Variants in SPATA6 observed in about 807,000 individuals in gnomAD.
The protein encoded by SPATA6 is spermatogenesis-associated protein 6.
A neutral mutation model predicts 65.3 loss-of-function variants in SPATA6; 56 were observed. The observed-to-expected ratio is 0.86, with a 90% CI of 0.69 to 1.07. The LOEUF (loss-of-function observed/expected upper bound fraction) is 1.07. Ranked by LOEUF, SPATA6 falls within the 50% of genes least tolerant of loss-of-function variation. The pLI is 0.00. For missense variants in SPATA6, 590 were observed against 594.8 expected (o/e 0.99, Z 0.08); for synonymous variants, 199 against 213.2 (o/e 0.93, Z 0.58).
chr1:48,459,087 C>A (rs1384216364), intron 1 of SPATA6, among the ~76,000 whole-genome samples: 1 of 151,504 alleles, frequency 6.6e-6, no homozygotes, highest in Admixed American at 6.6e-5. Flanking sequence ...CACCTGTAAT[C>A]CTAGCTACTC....
intron 3 of SPATA6, among the ~76,000 whole-genome samples, chr1:48,444,353 G>C (rs1300659367): frequency 6.6e-6 from 1 of 151,714 alleles, no homozygotes; most frequent in African/African-American, 2.4e-5. Flanking sequence ...TCTGGGTCCA[G>C]CTGAAGGACT....
chr1:48,458,086 C>A (rs1657144715), intron 1 of SPATA6, among the ~76,000 whole-genome samples: 3 of 143,914 alleles, frequency 2.1e-5, no homozygotes, highest in African/African-American at 5.2e-5. Context: ...ATTGTAAACC[C>A]CAGACAAGCA....
chr1:48,468,581 T>C (rs1295553158), intron 1 of SPATA6, among the ~76,000 whole-genome samples: 2 of 152,134 alleles, frequency 1.3e-5, no homozygotes, highest in African/African-American at 2.4e-5. Flanking sequence ...CTGTCTGGAA[T>C]GGACCTGAAA....
chr1:48,268,153 C>G, the SPATA6 span, among the ~76,000 whole-genome samples: 1 of 152,090 alleles, frequency 6.6e-6, no homozygotes, highest in African/African-American at 2.4e-5. Flanking sequence ...CCTGTCCTCA[C>G]CTAGGTATGT....
intron 11 of SPATA6, among the ~76,000 whole-genome samples, chr1:48,315,690 G>A (rs1057159001): frequency 2.0e-5 from 3 of 152,124 alleles, no homozygotes; most frequent in East Asian, 1.9e-4. Flanking sequence ...TTCTGGCCAC[G>A]GCAATGAGGC....
intron 11 of SPATA6, among the ~76,000 whole-genome samples, chr1:48,313,627 C>T (rs1350874812): frequency 6.6e-6 from 1 of 152,152 alleles, no homozygotes; most frequent in African/African-American, 2.4e-5. Flanking sequence ...TAGGAAGAAA[C>T]TGCATCAACT....
At chr1:48,420,394 C>T (rs1324878377) in intron 3 of SPATA6, among the ~76,000 whole-genome samples, 1 of 152,134 alleles carries the variant, frequency 6.6e-6, no homozygotes, top group African/African-American at 2.4e-5. Flanking sequence ...CACGGGAACC[C>T]CAACTTCAAG....
intron 11 of SPATA6, among the ~76,000 whole-genome samples, chr1:48,353,512 T>C (rs898858927): frequency 7.4e-5 from 11 of 148,654 alleles, no homozygotes; most frequent in African/African-American, 2.7e-4. Flanking sequence ...TTGAAAAATA[T>C]ATACCATGCA....
At chr1:48,395,212 G>T in intron 8 of SPATA6, 55 bp downstream of exon 8, 1 of 1,354,054 alleles carries the variant, frequency 7.4e-7, no homozygotes, top group Non-Finnish European at 9.9e-7. Flanking sequence ...CAAATTAAAG[G>T]CTTGATTGTA....
chr1:48,347,089 A>C (rs1646385737), intron 11 of SPATA6, among the ~76,000 whole-genome samples: 1 of 152,072 alleles, frequency 6.6e-6, no homozygotes, highest in Non-Finnish European at 1.5e-5. Flanking sequence ...CACTAACCAA[A>C]ATAGCATGGT....
rs1042833570 is a variant in SPATA6 at position 48,401,352 on chromosome 1, C to T, written c.487-1708G>A. On this transcript the variant is annotated intron_variant, in intron 6 of 12. Transcript: ENST00000371847. ...ATCTTTATTAAAGCTTTTAATACTG[C>T]ATACTACTAGAGAAAGTTATAAATT... Among the ~76,000 whole-genome samples the T allele has an allele frequency of 5.3e-5, 8 of 152,054 alleles. No homozygotes were observed. In the South Asian group the frequency reaches 1.7e-3, roughly 31 times the overall value.
the SPATA6 span, among the ~76,000 whole-genome samples, chr1:48,278,914 T>A: frequency 6.6e-6 from 1 of 152,140 alleles, no homozygotes. Flanking sequence ...GGCAAAAATG[T>A]TAAGGGCAGC....
At chr1:48,280,941 A>G in the SPATA6 span, among the ~76,000 whole-genome samples, 22 of 152,178 alleles carry the variant, frequency 1.4e-4, no homozygotes, top group Non-Finnish European at 2.8e-4. Flanking sequence ...TCAATAAAAT[A>G]CTGGCAAACC....
the SPATA6 span, among the ~76,000 whole-genome samples, chr1:48,266,477 G>T: frequency 6.6e-6 from 1 of 152,092 alleles, no homozygotes; most frequent in Non-Finnish European, 1.5e-5. Flanking sequence ...ATTCACAAAC[G>T]TGTCATGGAA....
the SPATA6 span, among the ~76,000 whole-genome samples, chr1:48,268,161 T>G: frequency 6.6e-6 from 1 of 152,104 alleles, no homozygotes; most frequent in Non-Finnish European, 1.5e-5. Flanking sequence ...CACCTAGGTA[T>G]GTGGGCACAG....
chr1:48,284,446 A>C, the SPATA6 span, among the ~76,000 whole-genome samples: 9 of 152,206 alleles, frequency 5.9e-5, no homozygotes, highest in African/African-American at 2.2e-4. Context: ...CATCAAACTC[A>C]TTCTCCATCC....
At position 48,312,931 on chromosome 1, in the gene SPATA6, G is replaced by A. The variant is rs1288328473; in HGVS notation, c.1195-7053C>T. On this transcript the variant is annotated intron_variant, in intron 11 of 12. Coordinates refer to ENST00000371847, the MANE Select transcript of SPATA6 (RefSeq NM_019073.4). ...GCCTCAGTAGCTGATTCAATCAACT[G>A]TAAGAAAGGGCATCAGTGATGGAAG... Among the ~76,000 whole-genome samples the A allele has an allele frequency of 2.0e-5, 3 of 152,332 alleles. No homozygotes were observed. The East Asian group carries it at 5.8e-4, about 29-fold the overall frequency.
chr1:48,319,702 C>A (rs1328614060), intron 11 of SPATA6, among the ~76,000 whole-genome samples: 1 of 152,148 alleles, frequency 6.6e-6, no homozygotes, highest in Non-Finnish European at 1.5e-5. Flanking sequence ...CACTGCAGAG[C>A]CCTGTTGACC....
In SPATA6 at chr1:48,445,487, C is replaced by T. The variant is rs377728459; in HGVS notation, c.238+6065G>A. Among the ~76,000 whole-genome samples the T allele has an allele frequency of 3.0e-4, 45 of 151,926 alleles. 1 individual carries two copies. In the South Asian group the frequency reaches 8.5e-3, roughly 29 times the overall value. Reference sequence around the variant, plus strand: ...CATCCTGGCTAACATGGTAAAACCCCGTCTCTACTAAAAATACAAAAAATT... The same window carrying T: ...CATCCTGGCTAACATGGTAAAACCCTGTCTCTACTAAAAATACAAAAAATT... On this transcript the variant is annotated intron_variant, in intron 3 of 12. Coordinates refer to ENST00000371847, the MANE Select transcript of SPATA6 (RefSeq NM_019073.4).
Sources: gnomAD v4.1 joint callset for allele counts (sites outside exome capture counted in the v4.1 genomes callset) on GRCh38, gnomAD v4.1.1 for gene constraint, MANE v1.5 for transcripts, NCBI Gene and HGNC (gene_info 2026-07-23, HGNC 2026-07-21) for gene names.